ASXL2: variants seen among roughly 807,000 people sequenced by gnomAD.
ASXL2 encodes the protein ASXL transcriptional regulator 2.
Under a neutral mutation model 122.0 loss-of-function variants are expected in ASXL2, and 23 were observed. That is an observed-to-expected ratio of 0.19 (90% CI 0.14 to 0.27). ASXL2 has a LOEUF of 0.27. ASXL2 is among the 10% of genes least tolerant of loss of function. The probability of loss-of-function intolerance (pLI) is 1.00; values close to 1 mark genes in which losing one functional copy is unlikely to be tolerated. For synonymous variants in ASXL2, 650 were observed against 637.0 expected (o/e 1.02, Z -0.31); for missense variants, 1,518 against 1,713.8 (o/e 0.89, Z 2.02).
intron 9 of ASXL2, among the ~76,000 whole-genome samples, chr2:25,758,659 G>T (rs1033367653): frequency 6.7e-6 from 1 of 149,634 alleles, no homozygotes. Flanking sequence ...CAAACCTTTG[G>T]CATTTCTTTT....
chr2:25,864,210 A>G (rs890850880), intron 1 of ASXL2, among the ~76,000 whole-genome samples: 3 of 152,130 alleles, frequency 2.0e-5, no homozygotes, highest in Non-Finnish European at 4.4e-5. Context: ...GGCAAGGGCA[A>G]GATCATAAGA....
chr2:25,811,096 A>ACACACACG (rs981463342), intron 3 of ASXL2, among the ~76,000 whole-genome samples: 28 of 150,120 alleles, frequency 1.9e-4, no homozygotes, highest in Admixed American at 1.3e-4. Flanking sequence ...ACACACACAC[A>ACACACACG]CACAAAATCA....
At chr2:25,775,800 CTCTT>C (rs1002905111) in intron 5 of ASXL2, among the ~76,000 whole-genome samples, 6 of 152,294 alleles carry the variant, frequency 3.9e-5, no homozygotes, top group East Asian at 3.9e-4. Context: ...CAGTCTCCTC[CTCTT>C]TCTGTCTGAG....
intron 3 of ASXL2, among the ~76,000 whole-genome samples, chr2:25,818,120 T>C (rs570424892): frequency 3.3e-5 from 5 of 152,342 alleles, no homozygotes; most frequent in South Asian, 2.1e-4. Context: ...TTTCAAAGGC[T>C]TTGCAAACCT....
chr2:25,798,546 C>T (rs1458561957), intron 5 of ASXL2, among the ~76,000 whole-genome samples: 1 of 152,074 alleles, frequency 6.6e-6, no homozygotes, highest in Non-Finnish European at 1.5e-5. Flanking sequence ...GGTAGATCAC[C>T]TGAGGTCAGG....
At chr2:25,773,714 C>A (rs1469642290) in intron 5 of ASXL2, among the ~76,000 whole-genome samples, 3 of 150,674 alleles carry the variant, frequency 2.0e-5, no homozygotes, top group African/African-American at 7.3e-5. Flanking sequence ...TGATACTGAC[C>A]AATTTTTAAA....
intron 3 of ASXL2, among the ~76,000 whole-genome samples, chr2:25,809,306 AAAG>A (rs551068417): frequency 1.5e-3 from 231 of 152,082 alleles, no homozygotes; most frequent in African/African-American, 5.4e-3. Flanking sequence ...GAAAAAAAAA[AAAG>A]AAATAACATT....
At chr2:25,774,346 A>T (rs935523553) in intron 5 of ASXL2, among the ~76,000 whole-genome samples, 5 of 152,312 alleles carry the variant, frequency 3.3e-5, no homozygotes, top group South Asian at 2.1e-4. Flanking sequence ...TAAATTTTTT[A>T]AAAAAGGATA....
At chr2:25,786,727 A>G (rs140122331) in intron 5 of ASXL2, among the ~76,000 whole-genome samples, 8,778 of 152,010 alleles carry the variant, frequency 0.058, 288 homozygotes, top group Middle Eastern at 0.096. Context: ...GGTGGCACAC[A>G]CCTGTAATCG....
At chr2:25,872,331 A>G (rs1467495705) in intron 1 of ASXL2, among the ~76,000 whole-genome samples, 1 of 152,114 alleles carries the variant, frequency 6.6e-6, no homozygotes, top group East Asian at 1.9e-4. Flanking sequence ...GCAGTGAGCT[A>G]AGATCGCACC....
chr2:25,791,824 C>A (rs529229495), intron 5 of ASXL2, among the ~76,000 whole-genome samples: 4 of 152,272 alleles, frequency 2.6e-5, no homozygotes, highest in African/African-American at 9.6e-5. Context: ...AATATAAACA[C>A]ATGTGATTTA....
chr2:25,782,406 C>T (rs946761554), intron 5 of ASXL2, among the ~76,000 whole-genome samples: 12 of 151,872 alleles, frequency 7.9e-5, no homozygotes, highest in South Asian at 4.2e-4. Context: ...ATTAGCCGGG[C>T]GTGGTGACAT....
intron 2 of ASXL2, among the ~76,000 whole-genome samples, chr2:25,839,017 C>A (rs2089546837): frequency 6.6e-6 from 1 of 152,128 alleles, no homozygotes; most frequent in Non-Finnish European, 1.5e-5. Context: ...GTTCCTTAAA[C>A]AAACCCAATA....
chr2:25,850,845 A>G (rs2089707017), intron 1 of ASXL2, among the ~76,000 whole-genome samples: 1 of 152,152 alleles, frequency 6.6e-6, no homozygotes, highest in Admixed American at 6.6e-5. Flanking sequence ...GGTACAATTC[A>G]TATTAAAAAA....
intron 3 of ASXL2, among the ~76,000 whole-genome samples, chr2:25,833,557 G>A (rs1028750867): frequency 6.6e-6 from 1 of 152,094 alleles, no homozygotes; most frequent in African/African-American, 2.4e-5. Context: ...TTAGCTGGGC[G>A]TGGTAGCGTG....
intron 3 of ASXL2, among the ~76,000 whole-genome samples, chr2:25,809,687 G>A (rs2089137006): frequency 6.6e-6 from 1 of 152,176 alleles, no homozygotes; most frequent in African/African-American, 2.4e-5. Flanking sequence ...TGCTTTTAAA[G>A]GCATTATGCA....
chr2:25,795,484 A>T (rs2088897756), intron 5 of ASXL2, among the ~76,000 whole-genome samples: 1 of 152,212 alleles, frequency 6.6e-6, no homozygotes, highest in African/African-American at 2.4e-5. Context: ...AAATTCTTAG[A>T]GACAGCCATT....
chr2:25,854,215 T>C (rs2089751336), intron 1 of ASXL2, among the ~76,000 whole-genome samples: 1 of 152,158 alleles, frequency 6.6e-6, no homozygotes, highest in South Asian at 2.1e-4. Context: ...ACACACTCCC[T>C]AGTTCAAGAA....
chr2:25,877,454 G>C (rs943685527), intron 1 of ASXL2, among the ~76,000 whole-genome samples: 4 of 151,866 alleles, frequency 2.6e-5, no homozygotes, highest in African/African-American at 9.7e-5. Flanking sequence ...AACTTCATTA[G>C]GGCACCATCC....
Sources: gnomAD v4.1 joint callset for allele counts (sites outside exome capture counted in the v4.1 genomes callset) on GRCh38, gnomAD v4.1.1 for gene constraint, MANE v1.5 for transcripts, NCBI Gene and HGNC (gene_info 2026-07-23, HGNC 2026-07-21) for gene names.